Variants in ARFGAP3 observed in about 807,000 individuals in gnomAD.
The protein encoded by ARFGAP3 is ARF GTPase activating protein 3.
A neutral mutation model predicts 75.0 loss-of-function variants in ARFGAP3; 72 were observed. The ratio of observed to expected loss-of-function variants is 0.96; its 90% CI spans 0.79 to 1.17. The LOEUF is 1.17. ARFGAP3 is among the 50% of genes most tolerant of loss of function. The pLI, the probability that ARFGAP3 is intolerant of heterozygous loss-of-function variation, is 0.00. For missense variants in ARFGAP3, 620 were observed against 626.6 expected (o/e 0.99, Z 0.11); for synonymous variants, 221 against 217.9 (o/e 1.01, Z -0.13).
At chr22:42,855,431 A>G (rs753723201) in intron 1 of ARFGAP3, among the ~76,000 whole-genome samples, 1 of 152,120 alleles carries the variant, frequency 6.6e-6, no homozygotes, top group Non-Finnish European at 1.5e-5. Flanking sequence ...CACGCCTGTA[A>G]TCCCAGCACT....
At chr22:42,798,432 A>C (rs1159405638) in intron 15 of ARFGAP3, among the ~76,000 whole-genome samples, 1 of 152,262 alleles carries the variant, frequency 6.6e-6, no homozygotes, top group Non-Finnish European at 1.5e-5. Flanking sequence ...GACGTAAACA[A>C]GAAGGTGCAA....
rs560204784 is a variant in ARFGAP3 at position 42,839,106 on chromosome 22, T to C, written c.261+1838A>G. On this transcript the variant is annotated intron_variant, in intron 3 of 15. Transcript: ENST00000263245. ...GCCTGGGTGACAGAGCAAGATTCCG[T>C]CTCAAAAAAAAAAAAAGAAAAAAAA... Among the ~76,000 whole-genome samples, 826 of 103,506 alleles carry C rather than the reference T, an allele frequency of 8.0e-3. 7 individuals carry two copies. Among genetic ancestry groups the C allele is most frequent in the Admixed American group, 0.019 (167 of 8,600 alleles). The allele number at this position is 103,506 out of a possible 152,430, so 67.9% of individuals were successfully genotyped here.
At chr22:42,813,377 G>C (rs917837025) in intron 11 of ARFGAP3, among the ~76,000 whole-genome samples, 4 of 152,178 alleles carry the variant, frequency 2.6e-5, no homozygotes, top group African/African-American at 7.2e-5. Context: ...GTGGGAAGAG[G>C]GGGGTCAGCA....
At chr22:42,811,092 C>T (rs1157803280) in intron 11 of ARFGAP3, 148 bp from the exon 12 acceptor site, 8 of 1,299,914 alleles carry the variant, frequency 6.2e-6, no homozygotes, top group Admixed American at 2.9e-5. Flanking sequence ...GGAGCAGACA[C>T]GAGGTGTGTC....
intron 5 of ARFGAP3, among the ~76,000 whole-genome samples, chr22:42,833,130 C>G (rs1926370361): frequency 6.6e-6 from 1 of 152,162 alleles, no homozygotes; most frequent in Non-Finnish European, 1.5e-5. Context: ...CTGTTGCTAT[C>G]AGGTCACAAA....
chr22:42,800,903 A>T (rs1404212646), intron 14 of ARFGAP3, among the ~76,000 whole-genome samples: 2 of 152,138 alleles, frequency 1.3e-5, no homozygotes, highest in Non-Finnish European at 2.9e-5. Flanking sequence ...AGCGTCCTTG[A>T]CCCAGGGAAT....
chr22:42,807,406 G>T (rs909191539), intron 13 of ARFGAP3: 17 of 259,010 alleles, frequency 6.6e-5, no homozygotes, highest in Non-Finnish European at 1.0e-4. Flanking sequence ...TGGCCAGTGC[G>T]GAGGCCGTCG....
chr22:42,804,376 ATTTTTT>A (rs1169858932), intron 14 of ARFGAP3, among the ~76,000 whole-genome samples: 8 of 74,476 alleles, frequency 1.1e-4, no homozygotes, highest in South Asian at 1.0e-3. Context: ...CACCCAGCTA[ATTTTTT>A]TTTTTTTTTT....
At chr22:42,850,238 A>G (rs1432240130) in intron 1 of ARFGAP3, among the ~76,000 whole-genome samples, 2 of 152,088 alleles carry the variant, frequency 1.3e-5, no homozygotes, top group African/African-American at 4.8e-5. Context: ...TTCCTCTAAT[A>G]GAGGTGTTTT....
intron 2 of ARFGAP3, among the ~76,000 whole-genome samples, chr22:42,844,409 AC>A (rs1291153102): frequency 1.1e-4 from 17 of 152,002 alleles, no homozygotes; most frequent in African/African-American, 3.1e-4. Context: ...ACATGGTGAA[AC>A]CCCGTCTCTA....
chr22:42,810,396 G>C (rs1171840519), intron 12 of ARFGAP3, among the ~76,000 whole-genome samples: 1 of 152,042 alleles, frequency 6.6e-6, no homozygotes, highest in South Asian at 2.1e-4. Flanking sequence ...CCTGGGAGAC[G>C]GAGGCTGCAG....
chr22:42,849,132 A>C (rs1927155536), intron 1 of ARFGAP3, among the ~76,000 whole-genome samples: 1 of 152,106 alleles, frequency 6.6e-6, no homozygotes, highest in South Asian at 2.1e-4. Flanking sequence ...CTCCCAGATG[A>C]CCTCAGCCCT....
intron 4 of ARFGAP3, 153 bp from the exon 5 acceptor site, chr22:42,834,478 G>A (rs1274671491): frequency 1.9e-5 from 17 of 917,588 alleles, no homozygotes; most frequent in South Asian, 1.0e-4. Context: ...GGACCTCTGC[G>A]TGCACTTTAG....
intron 10 of ARFGAP3, 104 bp from the exon 11 acceptor site, chr22:42,817,368 C>T (rs1160988159): frequency 8.3e-6 from 12 of 1,437,360 alleles, no homozygotes; most frequent in Non-Finnish European, 8.2e-6. Context: ...CAAATGTATT[C>T]GAGGGGTTAA....
chr22:42,801,030 C>G (rs1361772257), intron 14 of ARFGAP3, among the ~76,000 whole-genome samples: 3 of 152,230 alleles, frequency 2.0e-5, no homozygotes, highest in African/African-American at 7.2e-5. Context: ...CTGATAACAT[C>G]ACTAAAGTGT....
chr22:42,849,916 C>A (rs577474210), intron 1 of ARFGAP3, among the ~76,000 whole-genome samples: 46 of 152,208 alleles, frequency 3.0e-4, no homozygotes, highest in African/African-American at 9.9e-4. Context: ...GGTAAACGCA[C>A]AATAAGTGTT....
intron 1 of ARFGAP3, among the ~76,000 whole-genome samples, chr22:42,849,352 C>T (rs1186077013): frequency 6.6e-6 from 1 of 152,224 alleles, no homozygotes; most frequent in Admixed American, 6.5e-5. Context: ...CTCACTCTGT[C>T]CAGGTCACTT....
intron 3 of ARFGAP3, among the ~76,000 whole-genome samples, chr22:42,838,169 A>T (rs576263605): frequency 6.6e-6 from 1 of 151,890 alleles, no homozygotes; most frequent in East Asian, 1.9e-4. Flanking sequence ...ATTGATTTTT[A>T]TGCTTAGGGA....
intron 2 of ARFGAP3, among the ~76,000 whole-genome samples, chr22:42,843,194 C>T (rs1280960261): frequency 6.6e-6 from 1 of 152,148 alleles, no homozygotes; most frequent in Non-Finnish European, 1.5e-5. Context: ...CATGCCTCAC[C>T]CCTCCAGGGC....
Sources: gnomAD v4.1 joint callset for allele counts (sites outside exome capture counted in the v4.1 genomes callset) on GRCh38, gnomAD v4.1.1 for gene constraint, MANE v1.5 for transcripts, NCBI Gene and HGNC (gene_info 2026-07-23, HGNC 2026-07-21) for gene names.